The following GRM8 variants were observed in gnomAD, a reference collection of about 807,000 sequenced individuals.
GRM8 encodes the protein glutamate metabotropic receptor 8, also known as metabotropic glutamate receptor 8.
GRM8 carries 47 observed loss-of-function variants against 87.2 expected under a neutral mutation model. The ratio of observed to expected loss-of-function variants is 0.54; its 90% CI spans 0.43 to 0.69. The LOEUF (loss-of-function observed/expected upper bound fraction) is 0.69, where lower values mean the gene tolerates loss of function less well. GRM8 is among the 30% of genes least tolerant of loss of function. The probability of loss-of-function intolerance (pLI) is 0.00; values close to 1 mark genes in which losing one functional copy is unlikely to be tolerated. For synonymous variants in GRM8, 396 were observed against 404.5 expected (o/e 0.98, Z 0.25); for missense variants, 1,019 against 1,139.2 (o/e 0.89, Z 1.52).
At chr7:126,448,194 A>G (rs1802226778) in intron 9 of GRM8, among the ~76,000 whole-genome samples, 1 of 151,900 alleles carries the variant, frequency 6.6e-6, no homozygotes, top group Non-Finnish European at 1.5e-5. Context: ...ACATGTTCCA[A>G]TGCCAGTCAA....
chr7:127,242,744 G>A lies in GRM8; in HGVS notation c.461C>T (p.Ala154Val), dbSNP rs560575149. 2 of 1,614,192 alleles carry A rather than the reference G, an allele frequency of 1.2e-6. No individual in the cohort carries two copies. The highest frequency in any genetic ancestry group is 1.7e-6 in the Non-Finnish European group (2 of 1,180,006). The stretch of plus-strand genomic sequence containing the variant: ...AACCATGATGGACACGGAGCTTGCT[G>A]CAGCACCTATGACGCCAGAAATCTT... The part of the protein sequence containing the change: ...PDKISGVIGA[A>V]ASSVSIMVAN... Residue 154 changes from alanine (A) to valine (V), a missense_variant, in exon 2 of 11, where the codon GCA becomes GTA. Ala to Val is a moderately conservative substitution (Grantham distance 64). Coordinates refer to ENST00000339582, the MANE Select transcript of GRM8 (RefSeq NM_000845.3).
chr7:126,586,131 G>A (rs1310700165), intron 8 of GRM8, among the ~76,000 whole-genome samples: 6 of 152,082 alleles, frequency 3.9e-5, no homozygotes, highest in Admixed American at 3.9e-4. Flanking sequence ...CAAGGGATGT[G>A]AAGGAACTCT....
chr7:127,146,766 T>C (rs1009084128), intron 2 of GRM8, among the ~76,000 whole-genome samples: 1 of 152,020 alleles, frequency 6.6e-6, no homozygotes, highest in African/African-American at 2.4e-5. Flanking sequence ...TTACCTCCAC[T>C]TACTCAAAAA....
chr7:126,863,646 T>C (rs572924076), intron 6 of GRM8, among the ~76,000 whole-genome samples: 2 of 152,314 alleles, frequency 1.3e-5, no homozygotes, highest in South Asian at 4.1e-4. Context: ...TTTCAGAGCA[T>C]GCAGTCATAC....
intron 3 of GRM8, among the ~76,000 whole-genome samples, chr7:126,965,043 C>A (rs561262517): frequency 1.3e-5 from 2 of 152,198 alleles, no homozygotes; most frequent in South Asian, 4.1e-4. Context: ...TCATTCTCAG[C>A]AAACTAACAC....
chr7:126,750,399 C>T (rs1258234385), intron 7 of GRM8, among the ~76,000 whole-genome samples: 2 of 151,964 alleles, frequency 1.3e-5, no homozygotes, highest in Non-Finnish European at 2.9e-5. Flanking sequence ...GTGGTGGTTA[C>T]ACCACTGCAT....
intron 6 of GRM8, among the ~76,000 whole-genome samples, chr7:126,817,011 T>C (rs1276145839): frequency 2.0e-5 from 3 of 152,072 alleles, no homozygotes; most frequent in Admixed American, 6.6e-5. Context: ...AACCACATTA[T>C]TATACTCCTT....
intron 7 of GRM8, among the ~76,000 whole-genome samples, chr7:126,764,599 T>C (rs1028594196): frequency 1.3e-5 from 2 of 152,128 alleles, no homozygotes; most frequent in Non-Finnish European, 2.9e-5. Context: ...ATAAGGTTTC[T>C]AAAGGAAAGA....
chr7:127,086,640 C>G (rs1481184412), intron 3 of GRM8, among the ~76,000 whole-genome samples: 1 of 152,160 alleles, frequency 6.6e-6, no homozygotes, highest in African/African-American at 2.4e-5. Context: ...TCTGCACCTG[C>G]ATAGTTTATG....
At chr7:127,160,533 G>GCA (rs1245472473) in intron 2 of GRM8, among the ~76,000 whole-genome samples, 3 of 149,446 alleles carry the variant, frequency 2.0e-5, no homozygotes, top group Non-Finnish European at 4.4e-5. Context: ...CATCACGCGC[G>GCA]CGCACACACA....
intron 3 of GRM8, among the ~76,000 whole-genome samples, chr7:126,969,299 G>T (rs1810182229): frequency 1.3e-5 from 2 of 152,140 alleles, no homozygotes; most frequent in Admixed American, 1.3e-4. Flanking sequence ...TTTCTTGGTA[G>T]CATGTGATGC....
intron 2 of GRM8, among the ~76,000 whole-genome samples, chr7:127,177,691 C>A (rs935933852): frequency 6.6e-5 from 10 of 152,166 alleles, no homozygotes; most frequent in African/African-American, 2.4e-4. Context: ...GCAGACAACC[C>A]CCAGTACCAG....
chr7:126,605,537 AAG>A (rs1798263612), intron 8 of GRM8, among the ~76,000 whole-genome samples: 1 of 152,200 alleles, frequency 6.6e-6, no homozygotes, highest in Non-Finnish European at 1.5e-5. Context: ...TCAATCCACT[AAG>A]AGATATTCAA....
chr7:126,450,819 C>T (rs1291595589), intron 9 of GRM8, among the ~76,000 whole-genome samples: 3 of 151,814 alleles, frequency 2.0e-5, no homozygotes, highest in African/African-American at 4.8e-5. Context: ...TCATATCAAA[C>T]GTTTTTATTT....
At position 126,533,401 on chromosome 7, in the gene GRM8, A is replaced by G; in HGVS notation, c.1981T>C (p.Phe661Leu). The stretch of plus-strand genomic sequence containing the variant: ...TTGGTCAGAAGGGCTGCATAGCTGA[A>G]ACACATGCCAAGTCCTAGGAAGACC... Reference protein sequence around the residue: ...RRVFLGLGMCFSYAALLTKTN... With the variant: ...RRVFLGLGMCLSYAALLTKTN... Residue 661 changes from phenylalanine (F) to leucine (L), a missense_variant, in exon 9 of 11, where the codon TTC becomes CTC. Transcript: ENST00000339582. The G allele has an allele frequency of 1.2e-6, 2 of 1,614,032 alleles. No individual in the cohort carries two copies. Among genetic ancestry groups the G allele is most frequent in the South Asian group, 1.1e-5 (1 of 91,082 alleles).
chr7:126,927,607 T>C (rs1391423254), intron 3 of GRM8, among the ~76,000 whole-genome samples: 1 of 152,064 alleles, frequency 6.6e-6, no homozygotes, highest in African/African-American at 2.4e-5. Flanking sequence ...CCAACAAGCA[T>C]ATGAAAAAAA....
chr7:126,675,579 G>T (rs949092482), intron 7 of GRM8, among the ~76,000 whole-genome samples: 1 of 152,160 alleles, frequency 6.6e-6, no homozygotes, highest in African/African-American at 2.4e-5. Context: ...ATGCAGGGAT[G>T]GTTCAACAAA....
chr7:126,831,456 G>C (rs956343578), intron 6 of GRM8, among the ~76,000 whole-genome samples: 11 of 152,188 alleles, frequency 7.2e-5, no homozygotes, highest in Non-Finnish European at 1.5e-4. Flanking sequence ...ACCTCAGATT[G>C]CTGTGCTAGC....
intron 8 of GRM8, among the ~76,000 whole-genome samples, chr7:126,592,352 C>T (rs1188255786): frequency 3.3e-5 from 5 of 151,880 alleles, no homozygotes; most frequent in Non-Finnish European, 7.4e-5. Context: ...AGCCAATATC[C>T]CTGATGAACA....
Sources: allele counts gnomAD v4.1 joint callset (sites outside exome capture counted in the v4.1 genomes callset), GRCh38; gene constraint gnomAD v4.1.1; transcripts MANE v1.5; gene names NCBI Gene and HGNC (gene_info 2026-07-23, HGNC 2026-07-21).